Variants in EHHADH observed in about 807,000 individuals in gnomAD.
EHHADH encodes the protein enoyl-CoA hydratase and 3-hydroxyacyl CoA dehydrogenase.
Under a neutral mutation model 64.4 loss-of-function variants are expected in EHHADH, and 48 were observed. The observed-to-expected ratio is 0.75, with a 90% confidence interval of 0.59 to 0.95. The LOEUF is 0.95. Among genes scored for constraint, EHHADH ranks in the 40% least tolerant of loss-of-function variants. The pLI, the probability that EHHADH is intolerant of heterozygous loss-of-function variation, is 0.00. For synonymous variants in EHHADH, 308 were observed against 326.7 expected, an observed-to-expected ratio of 0.94 and a Z score of 0.62; for missense variants, 854 against 876.6, an observed-to-expected ratio of 0.97 and a Z score of 0.33.
intron 3 of EHHADH, among the ~76,000 whole-genome samples, chr3:185,229,749 C>T (rs912957890): frequency 5.3e-5 from 8 of 152,176 alleles, no homozygotes; most frequent in African/African-American, 1.9e-4. Flanking sequence ...CATGTTGAAA[C>T]ACATTTTTAG....
intron 2 of EHHADH, among the ~76,000 whole-genome samples, chr3:185,237,020 G>C (rs1481766919): frequency 2.0e-5 from 3 of 152,156 alleles, no homozygotes; most frequent in Non-Finnish European, 4.4e-5. Flanking sequence ...TGGTAGAATA[G>C]GGATTTAAAC....
chr3:185,246,421 A>T (rs548004510), intron 2 of EHHADH: 251 of 549,386 alleles, frequency 4.6e-4, no homozygotes, highest in Non-Finnish European at 6.3e-4. Flanking sequence ...TAGGATCAAA[A>T]ATCATCTCAT....
chr3:185,211,399 A>T (rs1391562476), intron 5 of EHHADH, among the ~76,000 whole-genome samples: 1 of 152,232 alleles, frequency 6.6e-6, no homozygotes, highest in Non-Finnish European at 1.5e-5. Context: ...CATTTTTGAT[A>T]AAAAAGATAA....
intron 5 of EHHADH, among the ~76,000 whole-genome samples, chr3:185,207,071 T>C (rs553330276): frequency 1.3e-4 from 20 of 151,794 alleles, no homozygotes; most frequent in Non-Finnish European, 2.9e-4. Context: ...GCAGATTGCT[T>C]TGAGCTCAGG....
chr3:185,223,028 A>G (rs1249603825), intron 4 of EHHADH, among the ~76,000 whole-genome samples: 6 of 152,220 alleles, frequency 3.9e-5, no homozygotes, highest in Non-Finnish European at 7.3e-5. Context: ...CATGCTTGTT[A>G]AAGTACAATC....
At chr3:185,234,748 A>G (rs1234571611) in intron 3 of EHHADH, among the ~76,000 whole-genome samples, 1 of 152,198 alleles carries the variant, frequency 6.6e-6, no homozygotes, top group African/African-American at 2.4e-5. Context: ...AGGTTAAGGG[A>G]AACAAGGGAA....
chr3:185,220,577 T>C (rs1269805850), intron 4 of EHHADH, among the ~76,000 whole-genome samples: 1 of 152,222 alleles, frequency 6.6e-6, no homozygotes, highest in African/African-American at 2.4e-5. Flanking sequence ...TCTCAGAATA[T>C]ATCTCGTTGT....
At chr3:185,215,282 A>T (rs1193600470) in intron 5 of EHHADH, among the ~76,000 whole-genome samples, 1 of 152,204 alleles carries the variant, frequency 6.6e-6, no homozygotes, top group Non-Finnish European at 1.5e-5. Context: ...CTGATAATGG[A>T]TAAACAAATT....
At chr3:185,251,376 C>T (rs969595424) in intron 1 of EHHADH, among the ~76,000 whole-genome samples, 2 of 152,086 alleles carry the variant, frequency 1.3e-5, no homozygotes, top group Non-Finnish European at 1.5e-5. Context: ...CTTTCGGTTA[C>T]GTGTTTGTAT....
rs1231418665 is a variant in EHHADH, at chr3:185,248,416, G to A, written c.176C>T (p.Ala59Val). ...GGAGAGGGTTAGACTTGAGTTACCT[G>A]CAGAAAATTTGCCCTCTGCTCCACA... ...VICGAEGKFS[A>V]GADIRGFSAP... is the part of the protein sequence containing the mutation. The change falls in exon 2 of 7, where the codon GCA (alanine) becomes GTA (valine). Residue 59 changes from alanine to valine, a missense_variant and splice_region_variant. Transcript: ENST00000231887. 6.2e-7 allele frequency: 1 copy of A among 1,610,396 alleles called. No individual in the cohort carries two copies. Among genetic ancestry groups the A allele is most frequent in the African/African-American group, 1.3e-5 (1 of 74,832 alleles).
intron 6 of EHHADH, among the ~76,000 whole-genome samples, chr3:185,196,239 C>T (rs1475006969): frequency 6.8e-6 from 1 of 147,400 alleles, no homozygotes; most frequent in African/African-American, 2.6e-5. Context: ...TTTTTTAAAG[C>T]TTTAAAATAT....
chr3:185,253,076 T>C (rs989520109), intron 1 of EHHADH: 5 of 153,422 alleles, frequency 3.3e-5, no homozygotes, highest in Non-Finnish European at 2.9e-5. Flanking sequence ...GTGCAATTTT[T>C]CAGAAAATGC....
intron 4 of EHHADH, chr3:185,226,895 T>C (rs972647429): frequency 6.6e-6 from 1 of 152,214 alleles, no homozygotes; most frequent in Non-Finnish European, 1.5e-5. Flanking sequence ...TAATGAAATA[T>C]GACAATGATG....
intron 5 of EHHADH, among the ~76,000 whole-genome samples, chr3:185,205,227 G>C (rs1041531214): frequency 5.3e-5 from 8 of 151,876 alleles, no homozygotes; most frequent in Non-Finnish European, 2.9e-5. Flanking sequence ...TTTGTTACAT[G>C]GGTATATCAC....
In EHHADH at chr3:185,236,155, G is replaced by C. The variant is rs117489091; in HGVS notation, c.179-693C>G. ...CTATATAGCCATAATTTAATATTTT[G>C]AGGAGTTCTTAGTTTTTTTCCACAT... is the stretch of plus-strand genomic sequence containing the variant. On this transcript the variant is annotated intron_variant, in intron 2 of 6. Transcript: ENST00000231887. 9.9e-5 allele frequency among the ~76,000 whole-genome samples: 15 copies of C among 152,254 alleles called. No homozygotes were observed. In the East Asian group the frequency reaches 2.7e-3, roughly 27 times the overall value.
chr3:185,250,525 A>G (rs982798024), intron 1 of EHHADH, among the ~76,000 whole-genome samples: 1 of 152,260 alleles, frequency 6.6e-6, no homozygotes, highest in African/African-American at 2.4e-5. Context: ...CCAGATTCCA[A>G]TCAGTTTTGC....
intron 2 of EHHADH, chr3:185,247,832 C>T (rs887897522): frequency 1.3e-5 from 2 of 152,144 alleles, no homozygotes; most frequent in South Asian, 2.1e-4. Context: ...ATACTTTTGC[C>T]ATATTTTGTC....
chr3:185,204,988 T>C (rs537328756), intron 5 of EHHADH, among the ~76,000 whole-genome samples: 50 of 152,228 alleles, frequency 3.3e-4, no homozygotes, highest in Admixed American at 3.3e-3. Flanking sequence ...TTACCTAGTT[T>C]AGGCATAAAA....
intron 2 of EHHADH, chr3:185,246,299 A>G: frequency 1.3e-6 from 1 of 786,666 alleles, no homozygotes; most frequent in Non-Finnish European, 2.1e-6. Context: ...CTTTGTCCTC[A>G]GTTGGCTCTG....
Sources: allele counts gnomAD v4.1 joint callset (sites outside exome capture counted in the v4.1 genomes callset), GRCh38; gene constraint gnomAD v4.1.1; transcripts MANE v1.5; gene names NCBI Gene and HGNC (gene_info 2026-07-23, HGNC 2026-07-21).